CLHC1: variants seen among roughly 807,000 people sequenced by gnomAD.
The protein encoded by CLHC1 is clathrin heavy chain linker domain-containing protein 1.
CLHC1 carries 72 observed loss-of-function variants against 69.5 expected under a neutral mutation model. The ratio of observed to expected loss-of-function variants is 1.04; its 90% CI spans 0.86 to 1.26. The LOEUF (loss-of-function observed/expected upper bound fraction) is 1.26. CLHC1 is among the 50% of genes most tolerant of loss of function. The probability of loss-of-function intolerance (pLI) is 0.00; values close to 1 mark genes in which losing one functional copy is unlikely to be tolerated. For missense variants in CLHC1, 790 were observed against 679.3 expected (o/e 1.16, Z -1.81); for synonymous variants, 223 against 224.3 (o/e 0.99, Z 0.05).
chr2:55,180,691 A>G lies in CLHC1; in HGVS notation c.1203T>C (p.Ala401=). The G allele has an allele frequency of 1.2e-6, 2 of 1,614,040 alleles. No individual in the cohort carries two copies. Among genetic ancestry groups the G allele is most frequent in the Non-Finnish European group, 1.7e-6 (2 of 1,179,942 alleles). The change falls in exon 11 of 13, where the codon GCT becomes GCC. Residue 401 remains alanine (A), a synonymous_variant. Coordinates refer to ENST00000401408, the MANE Select transcript of CLHC1 (RefSeq NM_152385.4). The part of the protein sequence containing the change: ...TQERLTFSEE[A]GDVICDYGEQ... ...CCCCATAATCACAAATCACATCCCC[A>G]GCCTCCTCAGAAAATGTCAGTCTAG...
At chr2:55,198,315 G>T (rs549348979) in intron 9 of CLHC1, among the ~76,000 whole-genome samples, 4 of 152,344 alleles carry the variant, frequency 2.6e-5, no homozygotes, top group African/African-American at 9.6e-5. Flanking sequence ...GCTGGGTGTG[G>T]TGGCTCACGC....
chr2:55,204,146 T>C (rs918782948), intron 9 of CLHC1, among the ~76,000 whole-genome samples: 1 of 152,098 alleles, frequency 6.6e-6, no homozygotes, highest in African/African-American at 2.4e-5. Context: ...TAGCTGGGCA[T>C]GGTGGTGCAT....
intron 1 of CLHC1, among the ~76,000 whole-genome samples, chr2:55,231,587 T>G (rs772791953): frequency 5.3e-5 from 8 of 152,182 alleles, no homozygotes; most frequent in Non-Finnish European, 1.0e-4. Context: ...AATTAAGGTC[T>G]GAATTTGGGG....
rs1672771889 is a variant in CLHC1 at position 55,209,476 on chromosome 2, A to G, written c.742T>C (p.Trp248Arg). Reference protein sequence around the residue: ...LQIISQALSSWVKSDMSSPFQ... With the variant: ...LQIISQALSSRVKSDMSSPFQ... ...GGGCTGCTCATATCAGATTTTACCC[A>G]TGAACTAAGTGCCTGTGAAATTATC... The change falls in exon 7 of 13, where the codon TGG becomes CGG. Residue 248 changes from tryptophan to arginine, a missense_variant. Physicochemically the swap from Trp to Arg is moderately radical, Grantham distance 101. Coordinates refer to ENST00000401408, the MANE Select transcript of CLHC1 (RefSeq NM_152385.4). 2 of 1,612,442 alleles carry G rather than the reference A, an allele frequency of 1.2e-6. No individual in the cohort carries two copies. The highest frequency in any genetic ancestry group is 8.5e-7 in the Non-Finnish European group (1 of 1,179,548).
Position 55,209,745 on chromosome 2 carries a change from C to G in CLHC1, c.586G>C (p.Ala196Pro). 2 of 1,612,182 alleles carry G rather than the reference C, an allele frequency of 1.2e-6. No homozygotes were observed. The highest frequency in any genetic ancestry group is 1.1e-5 in the South Asian group (1 of 91,054). ...GCTGGCACATATTTTATCAACATAG[C>G]TTGTTTAATTTCTGCATATTTATCT... ...LEDKYAEIKQAMLIKYVPAQR... is the reference protein window; with the variant it reads ...LEDKYAEIKQPMLIKYVPAQR... The change falls in exon 6 of 13, where the codon GCT (alanine) becomes CCT (proline). Residue 196 changes from alanine (A) to proline (P), a missense_variant. Ala to Pro is a conservative substitution (Grantham distance 27). Coordinates refer to ENST00000401408, the MANE Select transcript of CLHC1 (RefSeq NM_152385.4).
At chr2:55,190,273 T>C (rs1012649938) in intron 9 of CLHC1, among the ~76,000 whole-genome samples, 14 of 152,022 alleles carry the variant, frequency 9.2e-5, no homozygotes, top group Admixed American at 1.3e-4. Flanking sequence ...GGTCTCGATC[T>C]CCTGACCTCG....
intron 9 of CLHC1, among the ~76,000 whole-genome samples, chr2:55,196,030 G>A (rs147434064): frequency 1.5e-4 from 23 of 152,198 alleles, no homozygotes; most frequent in Non-Finnish European, 2.2e-4. Context: ...CTTGGTGGAG[G>A]AAGAGTGCAG....
Position 55,175,914 on chromosome 2 carries a change from C to A in CLHC1, c.1637G>T (p.Cys546Phe). 6.2e-7 allele frequency: 1 copy of A among 1,613,972 alleles called. No individual in the cohort carries two copies. The highest frequency in any genetic ancestry group is 1.1e-5 in the South Asian group (1 of 91,080). Reference sequence around the variant, plus strand: ...TAATTTGTCAAAGCCATTCTGTGAACATATATTTGCCACTTCTTGCCACTT... The same window carrying A: ...TAATTTGTCAAAGCCATTCTGTGAAAATATATTTGCCACTTCTTGCCACTT... ...IEKWQEVANICSQNGFDKLSN... is the reference protein window; with the variant it reads ...IEKWQEVANIFSQNGFDKLSN... The change falls in exon 13 of 13, where the codon TGT becomes TTT. Residue 546 changes from cysteine to phenylalanine, a missense_variant. Transcript: ENST00000401408.
At chr2:55,224,206 C>G (rs1674467021) in intron 2 of CLHC1, 1 of 294,972 alleles carries the variant, frequency 3.4e-6, no homozygotes, top group Admixed American at 4.0e-5. Context: ...AGGCTCAGTT[C>G]AAGCGAAGGG....
upstream of CLHC1, chr2:55,232,559 T>G: frequency 1.8e-6 from 1 of 561,706 alleles, no homozygotes; most frequent in Non-Finnish European, 3.2e-6. Flanking sequence ...GAAACGAAGT[T>G]CACGTCCTAG....
Position 55,222,322 on chromosome 2 carries a change from G to T in CLHC1, c.90C>A (p.Tyr30Ter). The change falls in exon 3 of 13, where the codon TAC becomes TAA. Residue 30 changes from tyrosine (Y) to a stop codon, truncating the protein, a stop_gained. Coordinates refer to ENST00000401408, the MANE Select transcript of CLHC1 (RefSeq NM_152385.4). LOFTEE classifies it high-confidence loss of function. ...DKEFLESVQR[Y>*]IITETERLGC... ...CCAGTCTTTCAGTTTCTGTAATTAT[G>T]TATCTTTGCACACTTTCCAAAAATT... 6.2e-7 allele frequency: 1 copy of T among 1,613,202 alleles called. No individual in the cohort carries two copies. Among genetic ancestry groups the T allele is most frequent in the Admixed American group, 1.7e-5 (1 of 60,004 alleles).
rs1671386097 is a variant in CLHC1 at position 55,196,075 on chromosome 2, C to A, written c.1006+10195G>T. 2.6e-5 allele frequency among the ~76,000 whole-genome samples: 4 copies of A among 152,276 alleles called. No homozygotes were observed. The South Asian group carries it at 8.3e-4, about 32-fold the overall frequency. ...GACTTCGCATCCGAACTCAGTGCCA[C>A]CCTTCCACAGTGGAAAGCAACATCA... is the stretch of plus-strand genomic sequence containing the variant. On this transcript the variant is annotated intron_variant, in intron 9 of 12. Transcript: ENST00000401408.
chr2:55,206,444 T>C, intron 8 of CLHC1, 68 bp from the exon 9 acceptor site: 1 of 853,844 alleles, frequency 1.2e-6, no homozygotes, highest in Non-Finnish European at 2.0e-6. Context: ...TGATTAGAAA[T>C]GTTTAATACA....
At chr2:55,211,883 T>A (rs1206048587) in intron 5 of CLHC1, among the ~76,000 whole-genome samples, 1 of 152,212 alleles carries the variant, frequency 6.6e-6, no homozygotes, top group Non-Finnish European at 1.5e-5. Flanking sequence ...AAGCAGTGAA[T>A]GCTGACATCA....
At chr2:55,218,737 A>C (rs978111758) in intron 3 of CLHC1, 1 of 152,224 alleles carries the variant, frequency 6.6e-6, no homozygotes, top group African/African-American at 2.4e-5. Flanking sequence ...AAAAATAAAC[A>C]TTTTTAAATA....
intron 4 of CLHC1, chr2:55,214,610 T>A (rs1240439473): frequency 6.6e-6 from 1 of 152,188 alleles, no homozygotes; most frequent in Non-Finnish European, 1.5e-5. Flanking sequence ...TGGCTCAGAG[T>A]AAGAGCTTAC....
rs143470333 is a variant in CLHC1, at chr2:55,181,594, A to C, written c.1157T>G (p.Val386Gly). ...CGLSEKRLDL[V>G]TNWVTQERLT... is the part of the protein sequence containing the mutation. ...CCTTTCCTGTGTAACCCAATTGGTA[A>C]CTAAATCTAACCGTTTTTCTGATAA... The change falls in exon 10 of 13, where the codon GTT (valine) becomes GGT (glycine). Residue 386 changes from valine to glycine, a missense_variant. Val to Gly is a moderately radical substitution (Grantham distance 109, BLOSUM62 -3). Coordinates refer to ENST00000401408, the MANE Select transcript of CLHC1 (RefSeq NM_152385.4). 10 of 1,611,154 alleles carry C rather than the reference A, an allele frequency of 6.2e-6. No homozygotes were observed. The African/African-American group carries it at 1.1e-4, about 17-fold the overall frequency.
chr2:55,177,138 G>T (rs188041902), intron 12 of CLHC1, among the ~76,000 whole-genome samples: 1 of 152,228 alleles, frequency 6.6e-6, no homozygotes, highest in East Asian at 1.9e-4. Flanking sequence ...CCCCCAAAGT[G>T]CTGGGATTAC....
In CLHC1 at chr2:55,175,970, A is replaced by T; in HGVS notation, c.1581T>A (p.Leu527=). The stretch of plus-strand genomic sequence containing the variant: ...TGGAGCAAAAGGAATCATTTATCAT[A>T]AGACTTTCTACTGCATCTGTGGGGA... ...NKGGIDAVES[L]MINDSFCSIE... The change falls in exon 13 of 13, where the codon CTT becomes CTA. Residue 527 remains leucine, a synonymous_variant. Coordinates refer to ENST00000401408, the MANE Select transcript of CLHC1 (RefSeq NM_152385.4). 1.2e-6 allele frequency: 2 copies of T among 1,613,754 alleles called. No individual in the cohort carries two copies. Among genetic ancestry groups the T allele is most frequent in the Non-Finnish European group, 1.7e-6 (2 of 1,179,700 alleles).
Sources: allele counts gnomAD v4.1 joint callset (sites outside exome capture counted in the v4.1 genomes callset), GRCh38; gene constraint gnomAD v4.1.1; transcripts MANE v1.5; gene names NCBI Gene and HGNC (gene_info 2026-07-23, HGNC 2026-07-21).